The following NEGR1 variants were observed in gnomAD, a reference collection of about 807,000 sequenced individuals.
NEGR1 encodes IgLON family member 4.
Under a neutral mutation model 40.9 loss-of-function variants are expected in NEGR1, and 10 were observed. That is an observed-to-expected ratio of 0.24 (90% CI 0.15 to 0.42). The LOEUF (loss-of-function observed/expected upper bound fraction) is 0.42. Ranked by LOEUF, NEGR1 falls within the 10% of genes least tolerant of loss-of-function variation. The pLI, the probability that NEGR1 is intolerant of heterozygous loss-of-function variation, is 1.00. For missense variants in NEGR1, 352 were observed against 438.9 expected, an observed-to-expected ratio of 0.80 and a Z score of 1.77; for synonymous variants, 185 against 166.8, an observed-to-expected ratio of 1.11 and a Z score of -0.84.
intron 4 of NEGR1, among the ~76,000 whole-genome samples, chr1:71,677,925 A>G (rs1335183422): frequency 6.6e-6 from 1 of 152,196 alleles, no homozygotes; most frequent in Non-Finnish European, 1.5e-5. Context: ...AATAAGATTT[A>G]CTGTTAACAG....
intron 2 of NEGR1, among the ~76,000 whole-genome samples, chr1:71,821,070 T>C (rs919117491): frequency 1.3e-5 from 2 of 151,960 alleles, no homozygotes; most frequent in African/African-American, 4.8e-5. Flanking sequence ...TCTATCTCAG[T>C]CAGAAAAGAC....
chr1:71,504,978 G>A (rs183345259), intron 6 of NEGR1, among the ~76,000 whole-genome samples: 351 of 152,118 alleles, frequency 2.3e-3, no homozygotes, highest in African/African-American at 8.2e-3. Flanking sequence ...GTGTGGGTTA[G>A]GAAAGGCAAC....
chr1:71,609,194 A>C (rs1364957693), intron 5 of NEGR1, among the ~76,000 whole-genome samples: 1 of 152,134 alleles, frequency 6.6e-6, no homozygotes, highest in African/African-American at 2.4e-5. Flanking sequence ...TAGCTAAAAA[A>C]AATTTTAGGT....
chr1:72,174,875 A>T (rs1264426684), intron 1 of NEGR1, among the ~76,000 whole-genome samples: 1 of 152,162 alleles, frequency 6.6e-6, no homozygotes, highest in African/African-American at 2.4e-5. Flanking sequence ...ATTAGAAGTC[A>T]AGTGTTCACT....
chr1:71,687,167 T>C (rs542579626), intron 4 of NEGR1, among the ~76,000 whole-genome samples: 1 of 152,320 alleles, frequency 6.6e-6, no homozygotes, highest in African/African-American at 2.4e-5. Context: ...TTTATCTAAA[T>C]TGCTAACTTA....
chr1:71,676,389 T>A (rs1185559384), intron 4 of NEGR1, among the ~76,000 whole-genome samples: 2 of 4,874 alleles, frequency 4.1e-4, no homozygotes, highest in African/African-American at 2.2e-4. Context: ...TGGCCTCATT[T>A]CATATCTTTG....
At chr1:72,073,698 T>C (rs1647577800) in intron 1 of NEGR1, among the ~76,000 whole-genome samples, 1 of 152,132 alleles carries the variant, frequency 6.6e-6, no homozygotes, top group Non-Finnish European at 1.5e-5. Context: ...AAAGTTTTCT[T>C]TTTTAAAAAT....
intron 6 of NEGR1, among the ~76,000 whole-genome samples, chr1:71,567,113 A>G (rs1648646422): frequency 6.6e-6 from 1 of 152,186 alleles, no homozygotes; most frequent in African/African-American, 2.4e-5. Context: ...ATTGGAGGAA[A>G]AGAGTGAAAC....
chr1:71,524,860 C>A (rs928671668), intron 6 of NEGR1, among the ~76,000 whole-genome samples: 1 of 151,636 alleles, frequency 6.6e-6, no homozygotes, highest in African/African-American at 2.4e-5. Flanking sequence ...ATTTGAGTGG[C>A]CATTTCTGGC....
chr1:72,139,577 G>T (rs964296139), intron 1 of NEGR1, among the ~76,000 whole-genome samples: 2 of 151,876 alleles, frequency 1.3e-5, no homozygotes, highest in Non-Finnish European at 2.9e-5. Context: ...AAATATGAAA[G>T]CACACTCATA....
At chr1:71,503,893 C>T (rs1647014829) in intron 6 of NEGR1, among the ~76,000 whole-genome samples, 1 of 151,524 alleles carries the variant, frequency 6.6e-6, no homozygotes, top group Non-Finnish European at 1.5e-5. Context: ...GGCAAGAAGT[C>T]TCGCCAGCTG....
At chr1:72,086,030 C>T (rs1388445057) in intron 1 of NEGR1, among the ~76,000 whole-genome samples, 1 of 149,136 alleles carries the variant, frequency 6.7e-6, no homozygotes, top group Non-Finnish European at 1.5e-5. Flanking sequence ...CAAGAGCCTA[C>T]ACCTGCAACA....
chr1:71,631,511 T>C (rs1650967956), intron 4 of NEGR1, among the ~76,000 whole-genome samples: 2 of 151,846 alleles, frequency 1.3e-5, no homozygotes, highest in Admixed American at 1.3e-4. Flanking sequence ...GTCTTAGATG[T>C]TATTTCTTTG....
chr1:72,043,216 T>TAAA (rs1646971181), intron 1 of NEGR1, among the ~76,000 whole-genome samples: 2 of 151,922 alleles, frequency 1.3e-5, no homozygotes, highest in South Asian at 4.1e-4. Context: ...CTTTAAGGTT[T>TAAA]TCTTCTTCTC....
Position 71,688,375 on chromosome 1 carries a change from TAC to T in NEGR1, c.667+9631_667+9632del, listed in dbSNP as rs372234861. 4.2e-4 allele frequency among the ~76,000 whole-genome samples: 7 copies of T among 16,760 alleles called. 1 individual carries two copies. The highest frequency in any genetic ancestry group is 8.6e-4 in the Admixed American group (1 of 1,168). The allele number at this position is 16,760 out of a possible 152,430, so 11.0% of individuals were successfully genotyped here. ...ATAGATTATATATATATGAGATATA[TAC>T]ATAAAAGATATATAAAATATATATA... On this transcript the variant is annotated intron_variant, in intron 4 of 6. Coordinates refer to ENST00000357731, the MANE Select transcript of NEGR1 (RefSeq NM_173808.3).
chr1:71,456,279 G>C (rs1243352013), intron 6 of NEGR1, among the ~76,000 whole-genome samples: 2 of 152,092 alleles, frequency 1.3e-5, no homozygotes, highest in African/African-American at 4.8e-5. Context: ...TTATTTATTT[G>C]TTTATTTCTG....
intron 2 of NEGR1, among the ~76,000 whole-genome samples, chr1:71,885,460 G>C (rs1375066248): frequency 1.3e-5 from 2 of 152,056 alleles, no homozygotes; most frequent in African/African-American, 4.8e-5. Flanking sequence ...TTGTTTGTTT[G>C]TTTTTTAGAG....
At chr1:72,215,229 G>A (rs1264542875) in intron 1 of NEGR1, among the ~76,000 whole-genome samples, 1 of 152,070 alleles carries the variant, frequency 6.6e-6, no homozygotes, top group Non-Finnish European at 1.5e-5. Flanking sequence ...ATGGATTAGA[G>A]ACTTAAATGT....
intron 6 of NEGR1, among the ~76,000 whole-genome samples, chr1:71,430,667 A>G (rs1646459764): frequency 6.6e-6 from 1 of 151,570 alleles, no homozygotes; most frequent in South Asian, 2.1e-4. Flanking sequence ...TAAAAAAAAA[A>G]AGTTGTGACT....
Sources: allele counts gnomAD v4.1 joint callset (sites outside exome capture counted in the v4.1 genomes callset), GRCh38; gene constraint gnomAD v4.1.1; transcripts MANE v1.5; gene names NCBI Gene and HGNC (gene_info 2026-07-23, HGNC 2026-07-21).